Variants in FNDC3B observed in about 807,000 individuals in gnomAD.
FNDC3B encodes the protein fibronectin type III domain-containing protein 3B.
Under a neutral mutation model 151.5 loss-of-function variants are expected in FNDC3B, and 12 were observed. That is an observed-to-expected ratio of 0.08 (90% confidence interval 0.05 to 0.13). The LOEUF (loss-of-function observed/expected upper bound fraction) is 0.13, where lower values mean the gene tolerates loss of function less well. Ranked by LOEUF, FNDC3B falls within the 10% of genes least tolerant of loss-of-function variation. The probability of loss-of-function intolerance (pLI) is 1.00; values close to 1 mark genes in which losing one functional copy is unlikely to be tolerated. For synonymous variants in FNDC3B, 528 were observed against 549.0 expected (o/e 0.96, Z 0.54); for missense variants, 1,214 against 1,505.3 (o/e 0.81, Z 3.20).
At chr3:172,189,981 A>G (rs940484514) in intron 3 of FNDC3B, among the ~76,000 whole-genome samples, 2 of 152,046 alleles carry the variant, frequency 1.3e-5, no homozygotes, top group Non-Finnish European at 2.9e-5. Flanking sequence ...TTTTATTCCT[A>G]TTGTGCAGAT....
chr3:172,180,894 C>T (rs920036329), intron 3 of FNDC3B, among the ~76,000 whole-genome samples: 8 of 151,726 alleles, frequency 5.3e-5, no homozygotes, highest in Admixed American at 1.3e-4. Context: ...TCCTCAGAAG[C>T]GGGAAAAATT....
intron 11 of FNDC3B, among the ~76,000 whole-genome samples, chr3:172,314,510 T>TC (rs1365656027): frequency 6.6e-6 from 1 of 152,212 alleles, no homozygotes; most frequent in Non-Finnish European, 1.5e-5. Flanking sequence ...TGTCCAGGTA[T>TC]CCCCTGCAGC....
chr3:172,168,487 C>T (rs1291402909), intron 3 of FNDC3B, among the ~76,000 whole-genome samples: 1 of 152,188 alleles, frequency 6.6e-6, no homozygotes, highest in Non-Finnish European at 1.5e-5. Flanking sequence ...TAGCTTCTAT[C>T]ACATGCGAGA....
chr3:172,326,819 T>TC (rs1553789983), intron 11 of FNDC3B, among the ~76,000 whole-genome samples: 9 of 152,100 alleles, frequency 5.9e-5, no homozygotes, highest in African/African-American at 2.2e-4. Context: ...ACTTTTTTTT[T>TC]ACTGGCTACA....
At chr3:172,285,467 A>G (rs1470922553) in intron 6 of FNDC3B, among the ~76,000 whole-genome samples, 1 of 152,248 alleles carries the variant, frequency 6.6e-6, no homozygotes, top group Non-Finnish European at 1.5e-5. Flanking sequence ...AAACATGTGA[A>G]CTTAAGTAAA....
chr3:172,114,826 TATAA>T (rs1364308948), intron 2 of FNDC3B, among the ~76,000 whole-genome samples: 2 of 152,244 alleles, frequency 1.3e-5, no homozygotes, highest in African/African-American at 4.8e-5. Context: ...GTATCTGTTT[TATAA>T]ATAGTCAAAA....
At chr3:172,189,243 CAA>C (rs1043170737) in intron 3 of FNDC3B, among the ~76,000 whole-genome samples, 1 of 152,072 alleles carries the variant, frequency 6.6e-6, no homozygotes, top group African/African-American at 2.4e-5. Context: ...AATGTTCAGT[CAA>C]AATATTGTCA....
chr3:172,291,793 T>A (rs1730357035), intron 7 of FNDC3B, among the ~76,000 whole-genome samples: 1 of 152,188 alleles, frequency 6.6e-6, no homozygotes, highest in South Asian at 2.1e-4. Flanking sequence ...TGGTGATCAC[T>A]GTGATGATCA....
chr3:172,222,815 G>GC (rs1214671644), intron 3 of FNDC3B, among the ~76,000 whole-genome samples: 1 of 152,178 alleles, frequency 6.6e-6, no homozygotes, highest in Non-Finnish European at 1.5e-5. Context: ...GGGATTGGGC[G>GC]CCCCTGCTCT....
At chr3:172,297,772 C>A (rs550901255) in intron 8 of FNDC3B, among the ~76,000 whole-genome samples, 2 of 97,730 alleles carry the variant, frequency 2.0e-5, no homozygotes, top group African/African-American at 1.4e-4. Context: ...CCGCGCCCGG[C>A]CTTTTTTTTC....
At chr3:172,204,530 T>G (rs1385332634) in intron 3 of FNDC3B, among the ~76,000 whole-genome samples, 3 of 152,232 alleles carry the variant, frequency 2.0e-5, no homozygotes, top group Non-Finnish European at 4.4e-5. Context: ...TAATGTGTTA[T>G]TAAATGGGTG....
At chr3:172,183,643 C>A (rs1410614901) in intron 3 of FNDC3B, among the ~76,000 whole-genome samples, 1 of 152,226 alleles carries the variant, frequency 6.6e-6, no homozygotes, top group Non-Finnish European at 1.5e-5. Flanking sequence ...GCTAATCTTA[C>A]ATAGCAGTTT....
chr3:172,177,192 C>T (rs1723639263), intron 3 of FNDC3B, among the ~76,000 whole-genome samples: 1 of 143,086 alleles, frequency 7.0e-6, no homozygotes, highest in African/African-American at 2.7e-5. Context: ...GCGGAAGATA[C>T]AGAACCCTAA....
At chr3:172,390,647 G>C (rs1430635836) in intron 25 of FNDC3B, among the ~76,000 whole-genome samples, 1 of 151,562 alleles carries the variant, frequency 6.6e-6, no homozygotes, top group Non-Finnish European at 1.5e-5. Flanking sequence ...GCAAATTCTG[G>C]AAACTGTAGA....
intron 7 of FNDC3B, among the ~76,000 whole-genome samples, chr3:172,291,767 G>A (rs1276845106): frequency 6.6e-6 from 1 of 152,104 alleles, no homozygotes; most frequent in African/African-American, 2.4e-5. Flanking sequence ...TGAGGGGTGA[G>A]GGGAACAAAC....
intron 25 of FNDC3B, among the ~76,000 whole-genome samples, chr3:172,392,505 G>A (rs1054732578): frequency 1.3e-5 from 2 of 152,076 alleles, no homozygotes; most frequent in Non-Finnish European, 2.9e-5. Flanking sequence ...CCTGGCCTCC[G>A]TTCCAGACCA....
intron 1 of FNDC3B, among the ~76,000 whole-genome samples, chr3:172,042,783 A>G (rs1421103840): frequency 6.6e-6 from 1 of 152,060 alleles, no homozygotes; most frequent in African/African-American, 2.4e-5. Flanking sequence ...AGCCACATGT[A>G]ACTGAGTCTT....
chr3:172,103,227 A>T (rs1719458992), intron 1 of FNDC3B, among the ~76,000 whole-genome samples: 1 of 152,152 alleles, frequency 6.6e-6, no homozygotes, highest in South Asian at 2.1e-4. Context: ...CTGAGCTGGT[A>T]TTATGTGAGG....
chr3:172,135,306 A>G (rs567708729), intron 3 of FNDC3B, among the ~76,000 whole-genome samples: 8 of 151,912 alleles, frequency 5.3e-5, no homozygotes, highest in Non-Finnish European at 1.2e-4. Flanking sequence ...ATATGTATGT[A>G]ATTTCACTGA....
Sources: allele counts gnomAD v4.1 joint callset (sites outside exome capture counted in the v4.1 genomes callset), GRCh38; gene constraint gnomAD v4.1.1; transcripts MANE v1.5; gene names NCBI Gene and HGNC (gene_info 2026-07-23, HGNC 2026-07-21).